The following C18orf54 variants were observed in gnomAD, a reference collection of about 807,000 sequenced individuals.
C18orf54 encodes lung adenoma susceptibility protein 2.
A neutral mutation model predicts 49.3 loss-of-function variants in C18orf54; 49 were observed. The observed-to-expected ratio is 0.99, with a 90% CI of 0.79 to 1.26. C18orf54 has a LOEUF of 1.26. Ranked by LOEUF, C18orf54 falls within the 50% of genes most tolerant of loss-of-function variation. The probability of loss-of-function intolerance (pLI) is 0.00; values close to 1 mark genes in which losing one functional copy is unlikely to be tolerated. For synonymous variants in C18orf54, 211 were observed against 216.6 expected, an observed-to-expected ratio of 0.97 and a Z score of 0.23; for missense variants, 687 against 620.6, an observed-to-expected ratio of 1.11 and a Z score of -1.14.
At position 54,378,965 on chromosome 18, in the gene C18orf54, T is replaced by A. The variant is rs931737324; in HGVS notation, c.*719T>A. 1 of 152,132 alleles carries A rather than the reference T, an allele frequency of 6.6e-6. No individual in the cohort carries two copies. The highest frequency in any genetic ancestry group is 1.5e-5 in the Non-Finnish European group (1 of 67,954). The allele number at this position is 152,132 out of a possible 1,614,324, so 9.4% of individuals were successfully genotyped here. A position where few individuals can be genotyped will look rare whatever the true frequency, so the allele number is the denominator to read the frequency against. On this transcript the variant is annotated 3_prime_UTR_variant, in exon 9 of 9. Transcript: ENST00000620105. Reference sequence around the variant, plus strand: ...TATTTAAGAATTTAATATTTTGATATTAGATTGTTTCCCAGATTTTAATTT... The same window carrying A: ...TATTTAAGAATTTAATATTTTGATAATAGATTGTTTCCCAGATTTTAATTT...
intron 8 of C18orf54, among the ~76,000 whole-genome samples, chr18:54,377,589 C>T (rs1458541046): frequency 6.6e-6 from 1 of 152,106 alleles, no homozygotes; most frequent in African/African-American, 2.4e-5. Flanking sequence ...GCAATACAAT[C>T]TTGGCATTAT....
chr18:54,375,647 A>G (rs533969933), intron 8 of C18orf54, among the ~76,000 whole-genome samples: 22 of 152,104 alleles, frequency 1.4e-4, no homozygotes, highest in African/African-American at 4.1e-4. Flanking sequence ...AATCACCACA[A>G]AAATCGATAC....
chr18:54,367,281 G>A (rs553964219), intron 6 of C18orf54, among the ~76,000 whole-genome samples: 33 of 152,020 alleles, frequency 2.2e-4, no homozygotes, highest in African/African-American at 8.0e-4. Context: ...GTTTTCTGTA[G>A]TAATGTTTTA....
intron 2 of C18orf54, among the ~76,000 whole-genome samples, chr18:54,360,156 G>A (rs2089234432): frequency 6.6e-6 from 1 of 152,122 alleles, no homozygotes; most frequent in Non-Finnish European, 1.5e-5. Flanking sequence ...ATGATGTATA[G>A]GGGAATATTA....
rs2089652882 is a variant in C18orf54, at chr18:54,380,675, A to G, written c.*2429A>G. ...GTTATGTTATTTCTTGTTGAAATTT[A>G]TAATTGTAGGTTTTTTGTATTGTTT... On this transcript the variant is annotated 3_prime_UTR_variant, in exon 9 of 9. Coordinates refer to ENST00000620105, the MANE Select transcript of C18orf54 (RefSeq NM_001288980.2). 6.6e-6 allele frequency: 1 copy of G among 152,078 alleles called. No homozygotes were observed. Among genetic ancestry groups the G allele is most frequent in the Non-Finnish European group, 1.5e-5 (1 of 67,974 alleles). The allele number at this position is 152,078 out of a possible 1,614,324, so 9.4% of individuals were successfully genotyped here.
At position 54,379,068 on chromosome 18, in the gene C18orf54, T is replaced by G. The variant is rs894082016; in HGVS notation, c.*822T>G. 1 of 152,110 alleles carries G rather than the reference T, an allele frequency of 6.6e-6. No individual in the cohort carries two copies. The highest frequency in any genetic ancestry group is 2.4e-5 in the African/African-American group (1 of 41,448). 9.4% of individuals were successfully genotyped at this position (152,110 alleles called of 1,614,324 possible). ...CAAATTTGATAACTAAAACTTAAAA[T>G]GAATATGGAAAATCAGAAAGCAACT... On this transcript the variant is annotated 3_prime_UTR_variant, in exon 9 of 9. Coordinates refer to ENST00000620105, the MANE Select transcript of C18orf54 (RefSeq NM_001288980.2).
chr18:54,373,929 A>C (rs1311868686), intron 7 of C18orf54, among the ~76,000 whole-genome samples: 1 of 151,846 alleles, frequency 6.6e-6, no homozygotes, highest in Non-Finnish European at 1.5e-5. Context: ...CATTCTAAAC[A>C]TCATTGAGAT....
chr18:54,369,535 T>C (rs2089448384), intron 6 of C18orf54, among the ~76,000 whole-genome samples: 2 of 138,926 alleles, frequency 1.4e-5, no homozygotes, highest in Non-Finnish European at 3.1e-5. Flanking sequence ...AGTGGCACAA[T>C]CTCTACTCAC....
intron 6 of C18orf54, among the ~76,000 whole-genome samples, chr18:54,370,273 TC>T (rs1438907633): frequency 1.4e-4 from 19 of 135,852 alleles, no homozygotes; most frequent in African/African-American, 4.2e-4. Flanking sequence ...CGAGACTCTG[TC>T]TCAAAAAAAA....
At chr18:54,363,824 T>A (rs2089322342) in intron 5 of C18orf54, 1 of 151,958 alleles carries the variant, frequency 6.6e-6, no homozygotes, top group African/African-American at 2.4e-5. Flanking sequence ...TTTTGTTTTT[T>A]ATTCTCAGTT....
chr18:54,360,870 T>G lies in C18orf54; in HGVS notation c.283+15T>G. On this transcript the variant is annotated intron_variant, in intron 3 of 8. Transcript: ENST00000620105. ...ACCAAACAATGGTATGCTTTTATTC[T>G]TTGTTTTCTTTGTGTTCAGATGTTT... is the stretch of plus-strand genomic sequence containing the variant. The G allele has an allele frequency of 6.3e-7, 1 of 1,594,734 alleles. No homozygotes were observed. The highest frequency in any genetic ancestry group is 8.6e-7 in the Non-Finnish European group (1 of 1,167,834).
chr18:54,371,451 T>C (rs974977154), intron 6 of C18orf54, among the ~76,000 whole-genome samples: 3 of 152,172 alleles, frequency 2.0e-5, no homozygotes, highest in African/African-American at 7.2e-5. Flanking sequence ...GTTGTGAACA[T>C]GGGTATACAA....
chr18:54,365,920 C>T, intron 6 of C18orf54, 99 bp downstream of exon 6: 1 of 478,466 alleles, frequency 2.1e-6, no homozygotes. Flanking sequence ...GCAAAAAAGA[C>T]TCAAATCTTC....
In C18orf54 at chr18:54,362,276, T is replaced by G. The variant is rs961181851; in HGVS notation, c.917T>G (p.Leu306Ter). 14 of 1,536,272 alleles carry G rather than the reference T, an allele frequency of 9.1e-6. No individual in the cohort carries two copies. Among genetic ancestry groups the G allele is most frequent in the Non-Finnish European group, 9.6e-6 (11 of 1,146,938 alleles). Residue 306 changes from leucine to a stop codon, truncating the protein, a stop_gained, in exon 4 of 9, where the codon TTA becomes TGA. Coordinates refer to ENST00000620105, the MANE Select transcript of C18orf54 (RefSeq NM_001288980.2). LOFTEE classifies it high-confidence loss of function. ...GGAACTTCTCGGCTTATCAATAAATTAGATTGTTTTGAATATGCTTTTGAA... is the reference window on the plus strand; with the variant it reads ...GGAACTTCTCGGCTTATCAATAAATGAGATTGTTTTGAATATGCTTTTGAA... The part of the protein sequence containing the change: ...AQGTSRLINK[L>*]DCFEYAFEPS...
In C18orf54 at chr18:54,377,303, C is replaced by G. The variant is rs538511849; in HGVS notation, c.1530-871C>G. ...CATATCATCAGGTGATATGCCCATC[C>G]CAGTCTCCCAAAGTGCATGGATTAC... On this transcript the variant is annotated intron_variant, in intron 8 of 8. Transcript: ENST00000620105. 3.6e-4 allele frequency among the ~76,000 whole-genome samples: 55 copies of G among 152,208 alleles called. 1 individual carries two copies. In the South Asian group the frequency reaches 0.011, roughly 30 times the overall value.
At chr18:54,359,600 A>G (rs2089219787) in intron 2 of C18orf54, among the ~76,000 whole-genome samples, 1 of 152,238 alleles carries the variant, frequency 6.6e-6, no homozygotes, top group Non-Finnish European at 1.5e-5. Flanking sequence ...GCCAAAAATT[A>G]AACATTATAA....
chr18:54,369,923 G>A (rs897978619), intron 6 of C18orf54, among the ~76,000 whole-genome samples: 3 of 428 alleles, frequency 7.0e-3, no homozygotes, highest in African/African-American at 9.4e-3. Flanking sequence ...GTATACAGTT[G>A]GCCCTCTGAT....
intron 1 of C18orf54, 81 bp from the exon 2 acceptor site, chr18:54,358,693 A>G (rs771764527): frequency 1.3e-5 from 2 of 152,334 alleles, no homozygotes; most frequent in African/African-American, 4.8e-5. Flanking sequence ...TCACAGAGCT[A>G]TTTCCAAGAG....
intron 8 of C18orf54, among the ~76,000 whole-genome samples, chr18:54,375,524 C>T (rs2089556012): frequency 6.7e-6 from 1 of 150,046 alleles, no homozygotes; most frequent in African/African-American, 2.5e-5. Context: ...TTTTCCATTG[C>T]TCTTTAAAGC....
Sources: allele counts gnomAD v4.1 joint callset (sites outside exome capture counted in the v4.1 genomes callset), GRCh38; gene constraint gnomAD v4.1.1; transcripts MANE v1.5; gene names NCBI Gene and HGNC (gene_info 2026-07-23, HGNC 2026-07-21).